Variants in PREP observed in about 807,000 individuals in gnomAD.
PREP encodes the protein dJ355L5.1 (prolyl endopeptidase).
Under a neutral mutation model 87.6 loss-of-function variants are expected in PREP, and 29 were observed. That is an observed-to-expected ratio of 0.33 (90% CI 0.25 to 0.45). The LOEUF is 0.45. Among genes scored for constraint, PREP ranks in the 20% least tolerant of loss-of-function variants. The pLI is 1.00. For synonymous variants in PREP, 337 were observed against 328.6 expected (o/e 1.03, Z -0.28); for missense variants, 695 against 886.5 (o/e 0.78, Z 2.74).
chr6:105,314,224 T>C (rs1770815378), intron 10 of PREP, among the ~76,000 whole-genome samples: 1 of 152,246 alleles, frequency 6.6e-6, no homozygotes, highest in Non-Finnish European at 1.5e-5. Context: ...TGGAGGGGTA[T>C]CTTGCCTCAA....
Position 105,402,859 on chromosome 6 carries a change from G to T in PREP, c.33C>A (p.Arg11=). 6.5e-7 allele frequency: 1 copy of T among 1,545,994 alleles called. No individual in the cohort carries two copies. The stretch of plus-strand genomic sequence containing the variant: ...CAGAGATACTTACGGCGGTCTCGTC[G>T]CGGTACACGTCGGGGTACTGAAGGG... MLSLQYPDVY[R]DETAVQDYHG... Residue 11 remains arginine (R), a synonymous_variant, in exon 1 of 15, where the codon CGC becomes CGA. Transcript: ENST00000652536.
At chr6:105,322,996 T>C (rs931665345) in intron 10 of PREP, 1 of 1,302,622 alleles carries the variant, frequency 7.7e-7, no homozygotes, top group African/African-American at 1.5e-5. Flanking sequence ...GGAGGGGCCT[T>C]GATAAACACC....
intron 1 of PREP, among the ~76,000 whole-genome samples, chr6:105,401,672 A>C (rs1773434471): frequency 6.6e-6 from 1 of 152,208 alleles, no homozygotes; most frequent in South Asian, 2.1e-4. Flanking sequence ...AAATTTAATA[A>C]GCAAGCAGCT....
At chr6:105,353,771 CAAAAAAAAAA>C (rs397824826) in intron 6 of PREP, among the ~76,000 whole-genome samples, 15 of 71,054 alleles carry the variant, frequency 2.1e-4, no homozygotes, top group Non-Finnish European at 4.5e-4. Flanking sequence ...GACTCCATCT[CAAAAAAAAAA>C]AAAAAAAAAG....
chr6:105,381,429 A>T (rs1229457676), intron 2 of PREP, among the ~76,000 whole-genome samples: 1 of 152,206 alleles, frequency 6.6e-6, no homozygotes, highest in Non-Finnish European at 1.5e-5. Flanking sequence ...TAGAAAAAAA[A>T]ATTGGGGAAA....
chr6:105,388,105 T>A (rs1773050148), intron 2 of PREP, among the ~76,000 whole-genome samples: 1 of 152,178 alleles, frequency 6.6e-6, no homozygotes, highest in Admixed American at 6.5e-5. Flanking sequence ...GCGCCCTCCC[T>A]TCTAAGTGGA....
chr6:105,396,678 G>C (rs1002304552), intron 2 of PREP, among the ~76,000 whole-genome samples: 1 of 151,682 alleles, frequency 6.6e-6, no homozygotes, highest in African/African-American at 2.4e-5. Context: ...ACTACCTAGA[G>C]TGCCATTTAA....
intron 14 of PREP, 64 bp downstream of exon 14, chr6:105,281,682 G>A: frequency 1.9e-6 from 3 of 1,554,968 alleles, no homozygotes; most frequent in South Asian, 1.2e-5. Context: ...CACTAATCCT[G>A]CTGTGACTGT....
At position 105,278,544 on chromosome 6, in the gene PREP, G is replaced by A. The variant is rs1337579007; in HGVS notation, c.1839-106C>T. ...AGTGAGGACTGCAGTTAACTAGTACGTGAGTGACCACCATGGACTGTGCCT... is the reference window on the plus strand; with the variant it reads ...AGTGAGGACTGCAGTTAACTAGTACATGAGTGACCACCATGGACTGTGCCT... On this transcript the variant is annotated intron_variant, in intron 14 of 14. Coordinates refer to ENST00000652536, the MANE Select transcript of PREP (RefSeq NM_002726.5). This position sits in a 1 kb window ranked among gnomAD's most constrained non-coding sequence, Gnocchi z 4.2. 1.8e-5 allele frequency: 21 copies of A among 1,161,678 alleles called. No individual in the cohort carries two copies. The highest frequency in any genetic ancestry group is 2.3e-5 in the Non-Finnish European group (19 of 818,866). The allele number at this position is 1,161,678 out of a possible 1,614,324, so 72.0% of individuals were successfully genotyped here. A position where few individuals can be genotyped will look rare whatever the true frequency, so the allele number is the denominator to read the frequency against.
chr6:105,350,742 T>C (rs950167902), intron 7 of PREP, among the ~76,000 whole-genome samples: 8 of 152,214 alleles, frequency 5.3e-5, no homozygotes, highest in African/African-American at 1.2e-4. Context: ...ACTGCAATTG[T>C]TGAGAACTTT....
intron 10 of PREP, chr6:105,302,770 G>T: frequency 2.0e-6 from 1 of 491,348 alleles, no homozygotes; most frequent in South Asian, 1.6e-5. Flanking sequence ...CCAGCTGTTT[G>T]AGCAGCAACT....
chr6:105,279,892 G>GGACTT (rs1562184427), intron 14 of PREP, among the ~76,000 whole-genome samples: 1 of 152,118 alleles, frequency 6.6e-6, no homozygotes, highest in Non-Finnish European at 1.5e-5. Context: ...AGTTTAAATA[G>GGACTT]GACTTGTTTC....
At chr6:105,308,741 A>G (rs1447101630) in intron 10 of PREP, among the ~76,000 whole-genome samples, 1 of 152,172 alleles carries the variant, frequency 6.6e-6, no homozygotes, top group Non-Finnish European at 1.5e-5. Flanking sequence ...ACCACTTTCA[A>G]TCGTCAAGTA....
chr6:105,310,795 T>G (rs1322375440), intron 10 of PREP, among the ~76,000 whole-genome samples: 1 of 152,200 alleles, frequency 6.6e-6, no homozygotes, highest in African/African-American at 2.4e-5. Context: ...CACTTAAAAC[T>G]CTAACTCAGA....
intron 6 of PREP, among the ~76,000 whole-genome samples, chr6:105,363,039 T>C (rs1772295362): frequency 6.6e-6 from 1 of 152,184 alleles, no homozygotes; most frequent in Non-Finnish European, 1.5e-5. Flanking sequence ...CAACACACTT[T>C]ATATGTTAAT....
intron 10 of PREP, among the ~76,000 whole-genome samples, chr6:105,321,079 G>A (rs1770992483): frequency 6.6e-6 from 1 of 152,154 alleles, no homozygotes; most frequent in Admixed American, 6.5e-5. Flanking sequence ...GTGCTTCAAA[G>A]GCACCTTTTA....
chr6:105,398,134 G>T (rs911306506), intron 1 of PREP, among the ~76,000 whole-genome samples: 1 of 152,200 alleles, frequency 6.6e-6, no homozygotes, highest in Admixed American at 6.5e-5. Flanking sequence ...GAATGTTTCA[G>T]CTAGAGAGGA....
At chr6:105,290,732 T>G (rs753820496) in intron 10 of PREP, among the ~76,000 whole-genome samples, 5 of 152,224 alleles carry the variant, frequency 3.3e-5, no homozygotes, top group Non-Finnish European at 5.9e-5. Context: ...GACAAAGGCA[T>G]CCTTGGAGAA....
chr6:105,382,019 C>T (rs1772853186), intron 2 of PREP, among the ~76,000 whole-genome samples: 1 of 151,920 alleles, frequency 6.6e-6, no homozygotes. Context: ...TTTTAATACA[C>T]AAAATACTGC....
Sources: gnomAD v4.1 joint callset for allele counts (sites outside exome capture counted in the v4.1 genomes callset) on GRCh38, gnomAD v4.1.1 for gene constraint, Gnocchi (gnomAD v3.1) non-coding constraint, MANE v1.5 for transcripts, NCBI Gene and HGNC (gene_info 2026-07-23, HGNC 2026-07-21) for gene names.